The following IQCK variants were observed in gnomAD, a reference collection of about 807,000 sequenced individuals.
The protein encoded by IQCK is IQ domain-containing protein K.
IQCK carries 29 observed loss-of-function variants against 28.1 expected under a neutral mutation model. That is an observed-to-expected ratio of 1.03 (90% CI 0.77 to 1.41). The LOEUF is 1.41. Among genes scored for constraint, IQCK ranks in the 40% most tolerant of loss-of-function variants. The pLI, the probability that IQCK is intolerant of heterozygous loss-of-function variation, is 0.00. For synonymous variants in IQCK, 113 were observed against 115.1 expected (o/e 0.98, Z 0.12); for missense variants, 359 against 314.7 (o/e 1.14, Z -1.07).
chr16:19,760,280 C>T (rs73543604), intron 4 of IQCK, among the ~76,000 whole-genome samples: 7,016 of 152,196 alleles, frequency 0.046, 197 homozygotes, highest in Middle Eastern at 0.085. Context: ...CAACCTAATG[C>T]AAACTGGCTT....
chr16:19,845,030 C>T (rs1039209663), intron 9 of IQCK, among the ~76,000 whole-genome samples: 2 of 152,090 alleles, frequency 1.3e-5, no homozygotes, highest in Non-Finnish European at 2.9e-5. Flanking sequence ...TCTCGAACTC[C>T]TGGGCTCAAG....
chr16:19,736,894 T>C (rs1483296841), intron 4 of IQCK, among the ~76,000 whole-genome samples: 4 of 146,034 alleles, frequency 2.7e-5, no homozygotes, highest in African/African-American at 1.0e-4. Context: ...ATGCCCATAA[T>C]CCCAGCACTT....
downstream of IQCK, among the ~76,000 whole-genome samples, chr16:19,828,873 A>T (rs1005053592): frequency 7.1e-6 from 1 of 140,604 alleles, no homozygotes; most frequent in African/African-American, 2.7e-5. Flanking sequence ...TATATATATA[A>T]ATATATATAT....
chr16:19,847,426 C>T (rs1373077814), intron 9 of IQCK, among the ~76,000 whole-genome samples: 1 of 152,330 alleles, frequency 6.6e-6, no homozygotes, highest in Non-Finnish European at 1.5e-5. Flanking sequence ...ACCCAACCAC[C>T]GCCTGGATCC....
chr16:19,842,301 A>G (rs1320733108), intron 9 of IQCK, among the ~76,000 whole-genome samples: 3 of 152,192 alleles, frequency 2.0e-5, no homozygotes, highest in African/African-American at 7.2e-5. Flanking sequence ...TTTTGGAGAA[A>G]TATTTGTTTG....
intron 9 of IQCK, among the ~76,000 whole-genome samples, chr16:19,850,012 C>T (rs2056462497): frequency 6.6e-6 from 1 of 152,178 alleles, no homozygotes; most frequent in Non-Finnish European, 1.5e-5. Flanking sequence ...GACATTTCTC[C>T]CTGTTTTTAC....
intron 7 of IQCK, among the ~76,000 whole-genome samples, chr16:19,813,181 T>C (rs1294012950): frequency 2.6e-5 from 4 of 152,010 alleles, no homozygotes; most frequent in Admixed American, 1.3e-4. Flanking sequence ...GAGATAGGGA[T>C]AGGAAATGTG....
intron 9 of IQCK, among the ~76,000 whole-genome samples, chr16:19,840,076 T>C (rs34837031): frequency 0.076 from 11,478 of 151,336 alleles, 707 homozygotes; most frequent in South Asian, 0.28. Context: ...ACATATAATA[T>C]ATAAATGGAT....
chr16:19,723,236 G>T (rs188469396), intron 1 of IQCK, among the ~76,000 whole-genome samples: 3 of 152,066 alleles, frequency 2.0e-5, no homozygotes, highest in East Asian at 3.9e-4. Context: ...ACTGGCTGTC[G>T]TAGGAACCTC....
chr16:19,849,695 A>C (rs1474735711), intron 9 of IQCK, among the ~76,000 whole-genome samples: 1 of 151,866 alleles, frequency 6.6e-6, no homozygotes, highest in Non-Finnish European at 1.5e-5. Flanking sequence ...CCAGGAAGTC[A>C]AGACTGCAGT....
chr16:19,839,456 C>T lies in IQCK; in HGVS notation c.802+12319C>T, dbSNP rs180882191. Among the ~76,000 whole-genome samples, 58 of 152,214 alleles carry T rather than the reference C, an allele frequency of 3.8e-4. 1 individual carries two copies. Among genetic ancestry groups the T allele is most frequent in the Admixed American group, 3.4e-3 (52 of 15,286 alleles). On this transcript the variant is annotated intron_variant, in intron 9 of 9. Coordinates refer to the IQCK transcript ENST00000320394. ...GATTACAGGTGTGAGCCACCACACC[C>T]GGCCAGTCACCCAGGATTTTAATGA...
At chr16:19,749,227 A>G (rs1363995430) in intron 4 of IQCK, among the ~76,000 whole-genome samples, 1 of 152,238 alleles carries the variant, frequency 6.6e-6, no homozygotes, top group Non-Finnish European at 1.5e-5. Flanking sequence ...TCAGTGTCAG[A>G]AATCAAGTAC....
chr16:19,718,440 A>G lies in IQCK; in HGVS notation c.134A>G (p.Gln45Arg), dbSNP rs1977329111. The G allele has an allele frequency of 6.2e-7, 1 of 1,606,642 alleles. No homozygotes were observed. Among genetic ancestry groups the G allele is most frequent in the Non-Finnish European group, 8.5e-7 (1 of 1,177,798 alleles). ...CGCGAGCTGCCTGTCTCGTCGTGGC[A>G]GGTCACCGAGCCGTCAAGCAAGAAT... Residue 45 changes from glutamine (Q) to arginine (R), a missense_variant, in exon 1 of 8, where the codon CAG becomes CGG. Gln to Arg is a conservative substitution (Grantham distance 43). Transcript: ENST00000564186.
chr16:19,760,917 A>G (rs2055129538), intron 4 of IQCK, among the ~76,000 whole-genome samples: 1 of 152,182 alleles, frequency 6.6e-6, no homozygotes. Context: ...CCATGTTTAG[A>G]TGATCTAGGG....
intron 6 of IQCK, among the ~76,000 whole-genome samples, chr16:19,782,997 T>TTTGTG (rs1555518773): frequency 6.6e-6 from 1 of 150,822 alleles, no homozygotes; most frequent in African/African-American, 2.4e-5. Context: ...TCTTCTTTTT[T>TTTGTG]TGTGTGTGTG....
At chr16:19,832,016 T>C (rs1050634854), downstream of IQCK, among the ~76,000 whole-genome samples, 1 of 152,180 alleles carries the variant, frequency 6.6e-6, no homozygotes, top group Non-Finnish European at 1.5e-5. Context: ...TCAGCCAATG[T>C]AGTTTAAAAT....
At chr16:19,807,480 T>C (rs1311090735) in intron 7 of IQCK, among the ~76,000 whole-genome samples, 1 of 152,216 alleles carries the variant, frequency 6.6e-6, no homozygotes, top group Non-Finnish European at 1.5e-5. Context: ...GTTTGCATCC[T>C]TGCTACTCAA....
At chr16:19,836,183 A>G (rs537752202) in intron 9 of IQCK, among the ~76,000 whole-genome samples, 3 of 152,254 alleles carry the variant, frequency 2.0e-5, no homozygotes, top group Admixed American at 6.5e-5. Flanking sequence ...CTAAGGTGTC[A>G]TTTTCATTTT....
chr16:19,792,858 C>T (rs1308000598), intron 7 of IQCK, among the ~76,000 whole-genome samples: 3 of 114,972 alleles, frequency 2.6e-5, no homozygotes, highest in South Asian at 2.5e-4. Context: ...GGATTACAGG[C>T]GTGAGCCACT....
Sources: gnomAD v4.1 joint callset for allele counts (sites outside exome capture counted in the v4.1 genomes callset) on GRCh38, gnomAD v4.1.1 for gene constraint, MANE v1.5 for transcripts, NCBI Gene and HGNC (gene_info 2026-07-23, HGNC 2026-07-21) for gene names.